Variants in SOX13 observed in about 807,000 individuals in gnomAD.
The protein encoded by SOX13 is transcription factor SOX-13.
In SOX13, 28 loss-of-function variants were observed where a neutral mutation model predicts 71.8. The observed-to-expected ratio is 0.39, with a 90% CI of 0.29 to 0.53. The LOEUF (loss-of-function observed/expected upper bound fraction) is 0.53, where lower values mean the gene tolerates loss of function less well. Among genes scored for constraint, SOX13 ranks in the 20% least tolerant of loss-of-function variants. The pLI, the probability that SOX13 is intolerant of heterozygous loss-of-function variation, is 0.70. For missense variants in SOX13, 627 were observed against 810.3 expected (o/e 0.77, Z 2.75); for synonymous variants, 309 against 317.8 (o/e 0.97, Z 0.29).
intron 7 of SOX13, among the ~76,000 whole-genome samples, chr1:204,120,963 G>T (rs928495184): frequency 2.7e-5 from 4 of 150,296 alleles, no homozygotes; most frequent in Non-Finnish European, 5.9e-5. Flanking sequence ...TATTTTTTTA[G>T]TTTTGAAAAT....
At chr1:204,084,148 C>T (rs914643642) in intron 1 of SOX13, among the ~76,000 whole-genome samples, 1 of 152,114 alleles carries the variant, frequency 6.6e-6, no homozygotes. Flanking sequence ...AGCTCAGGGG[C>T]CTTATTCAGC....
chr1:204,080,692 C>T (rs979257450), intron 1 of SOX13, among the ~76,000 whole-genome samples: 9 of 152,116 alleles, frequency 5.9e-5, no homozygotes, highest in Non-Finnish European at 1.3e-4. Flanking sequence ...GGGCCTGCTC[C>T]CAGGTATGGC....
intron 1 of SOX13, among the ~76,000 whole-genome samples, chr1:204,112,515 A>G (rs1219312520): frequency 9.0e-6 from 1 of 111,614 alleles, no homozygotes; most frequent in Non-Finnish European, 2.0e-5. Context: ...ACACACACAC[A>G]CACACACACA....
Position 204,126,392 on chromosome 1 carries a change from T to C in SOX13, c.*258T>C, listed in dbSNP as rs1056081246. ...TGAGCACCTCAGCCTTTAGGGCTTA[T>C]GGCCAGGGGACACTGTATGACTCTC... On this transcript the variant is annotated 3_prime_UTR_variant, in exon 14 of 14. Coordinates refer to ENST00000367204, the MANE Select transcript of SOX13 (RefSeq NM_005686.3). 6 of 539,414 alleles carry C rather than the reference T, an allele frequency of 1.1e-5. No homozygotes were observed. The highest frequency in any genetic ancestry group is 2.2e-5 in the South Asian group (1 of 46,296). 33.4% of individuals were successfully genotyped at this position (539,414 alleles called of 1,614,324 possible).
intron 4 of SOX13, chr1:204,116,151 A>G (rs1322991524): frequency 8.1e-7 from 1 of 1,235,426 alleles, no homozygotes; most frequent in Non-Finnish European, 1.0e-6. Context: ...AGTGTGTCCC[A>G]CTGGATCCCT....
intron 1 of SOX13, among the ~76,000 whole-genome samples, chr1:204,085,347 TGTAAA>T (rs1210266456): frequency 1.3e-5 from 2 of 152,170 alleles, no homozygotes; most frequent in Non-Finnish European, 2.9e-5. Flanking sequence ...AATGTAAAGA[TGTAAA>T]GTATAGAGAA....
intron 7 of SOX13, among the ~76,000 whole-genome samples, chr1:204,120,289 G>A (rs915781349): frequency 2.6e-5 from 4 of 152,348 alleles, no homozygotes; most frequent in African/African-American, 9.6e-5. Flanking sequence ...CTCCCCATGA[G>A]TGTGGAGGAG....
In SOX13 at chr1:204,073,544, G is replaced by A. The variant is rs985581712; in HGVS notation, c.-169G>A. 1 of 151,578 alleles carries A rather than the reference G, an allele frequency of 6.6e-6. No individual in the cohort carries two copies. The highest frequency in any genetic ancestry group is 6.6e-5 in the Admixed American group (1 of 15,238). 9.4% of individuals were successfully genotyped at this position (151,578 alleles called of 1,614,324 possible). On this transcript the variant is annotated 5_prime_UTR_variant, in exon 1 of 14. Coordinates refer to ENST00000367204, the MANE Select transcript of SOX13 (RefSeq NM_005686.3). The surrounding 1 kb of genome is among the most constrained non-coding windows in gnomAD (Gnocchi z 6.8). ...CCGCAGCGACTCCCCGGCCGACGGC[G>A]GGGGGCGTGCCCCCTCCCAGCCCAG...
chr1:204,077,793 TTTTG>T (rs1247289183), intron 1 of SOX13, among the ~76,000 whole-genome samples: 8 of 152,268 alleles, frequency 5.3e-5, no homozygotes, highest in South Asian at 2.1e-4. Flanking sequence ...CGTGAATTAC[TTTTG>T]TTTGTTTGTT....
intron 7 of SOX13, among the ~76,000 whole-genome samples, chr1:204,120,299 G>A (rs1316365090): frequency 6.6e-6 from 1 of 152,240 alleles, no homozygotes; most frequent in Non-Finnish European, 1.5e-5. Context: ...GTGTGGAGGA[G>A]AGCTGTGGAG....
At position 204,097,719 on chromosome 1, in the gene SOX13, GA is replaced by G. The variant is rs998895413; in HGVS notation, c.-1-15187del. Reference sequence around the variant, plus strand: ...AAAAAAAAAAAAAAAGAAAAGAAAAGAAAAAAAAACTTGCTTATGAATGAAA... The same window carrying G: ...AAAAAAAAAAAAAAAGAAAAGAAAAGAAAAAAAACTTGCTTATGAATGAAA... On this transcript the variant is annotated intron_variant, in intron 1 of 13. Coordinates refer to ENST00000367204, the MANE Select transcript of SOX13 (RefSeq NM_005686.3). 1.6e-4 allele frequency among the ~76,000 whole-genome samples: 23 copies of G among 144,046 alleles called. 1 individual carries two copies. Among genetic ancestry groups the G allele is most frequent in the South Asian group, 1.3e-3 (6 of 4,556 alleles). The allele number at this position is 144,046 out of a possible 152,430, so 94.5% of individuals were successfully genotyped here.
intron 1 of SOX13, among the ~76,000 whole-genome samples, chr1:204,082,536 G>T (rs1218978481): frequency 2.0e-5 from 3 of 152,088 alleles, no homozygotes; most frequent in Non-Finnish European, 2.9e-5. Context: ...TGTCAACTTT[G>T]TTTCCGGGGC....
In SOX13 at chr1:204,121,906, A is replaced by G. The variant is rs1571594474; in HGVS notation, c.782A>G (p.Tyr261Cys). The change falls in exon 8 of 14, where the codon TAT becomes TGT. Residue 261 changes from tyrosine to cysteine, a missense_variant. Physicochemically the swap from Tyr to Cys is radical, Grantham distance 194 (BLOSUM62 -2). Coordinates refer to ENST00000367204, the MANE Select transcript of SOX13 (RefSeq NM_005686.3). ...CTTGCTGCCTTTTCCATAGTGGAGT[A>G]TCCGCTGCAGCTGCTGCACAGCCCC... ...IQPIPCKPVE[Y>C]PLQLLHSPPA... 1.2e-6 allele frequency: 2 copies of G among 1,611,252 alleles called. No individual in the cohort carries two copies. The highest frequency in any genetic ancestry group is 1.3e-5 in the African/African-American group (1 of 74,970).
chr1:204,087,153 A>C (rs1387673848), intron 1 of SOX13, among the ~76,000 whole-genome samples: 1 of 152,078 alleles, frequency 6.6e-6, no homozygotes, highest in African/African-American at 2.4e-5. Flanking sequence ...CGATTTCCTG[A>C]CCTTGTGATC....
At chr1:204,094,765 A>T (rs1656217345) in intron 1 of SOX13, among the ~76,000 whole-genome samples, 1 of 152,218 alleles carries the variant, frequency 6.6e-6, no homozygotes, top group East Asian at 1.9e-4. Flanking sequence ...GTTGTTGGTT[A>T]AGTGGGAACT....
chr1:204,118,704 A>G (rs1200116145), intron 7 of SOX13: 1 of 152,192 alleles, frequency 6.6e-6, no homozygotes, highest in East Asian at 1.9e-4. Flanking sequence ...TGCCTACACC[A>G]TGTCACTCTG....
chr1:204,096,069 A>G (rs1233284256), intron 1 of SOX13, among the ~76,000 whole-genome samples: 1 of 152,118 alleles, frequency 6.6e-6, no homozygotes, highest in South Asian at 2.1e-4. Flanking sequence ...TCATTCATCC[A>G]TTGATGGACA....
Position 204,123,688 on chromosome 1 carries a change from A to G in SOX13, c.1259A>G (p.Asn420Ser). The G allele has an allele frequency of 1.9e-6, 3 of 1,614,052 alleles. No homozygotes were observed. The highest frequency in any genetic ancestry group is 2.5e-6 in the Non-Finnish European group (3 of 1,179,996). Reference protein sequence around the residue: ...DGSRHFPESRNSSHIKRPMNA... With the variant: ...DGSRHFPESRSSSHIKRPMNA... ...TCCCGCCACTTCCCCGAGTCCCGAAACAGCAGCCACATCAAGAGGCCCATG... is the reference window on the plus strand; with the variant it reads ...TCCCGCCACTTCCCCGAGTCCCGAAGCAGCAGCCACATCAAGAGGCCCATG... Residue 420 changes from asparagine to serine, a missense_variant, in exon 12 of 14, where the codon AAC becomes AGC. Physicochemically the swap from Asn to Ser is conservative, Grantham distance 46 (BLOSUM62 1). Around this residue, in one of 3 missense-constraint regions of SOX13, gnomAD observed 447 missense variants for 532.2 expected, o/e 0.84. Coordinates refer to ENST00000367204, the MANE Select transcript of SOX13 (RefSeq NM_005686.3). The surrounding 1 kb of genome is among the most constrained non-coding windows in gnomAD (Gnocchi z 5.0).
chr1:204,104,635 C>G (rs1192412805), intron 1 of SOX13, among the ~76,000 whole-genome samples: 2 of 152,178 alleles, frequency 1.3e-5, no homozygotes, highest in Non-Finnish European at 2.9e-5. Context: ...TGGTGATGCC[C>G]CTTGGCACCA....
Sources: gnomAD v4.1 joint callset for allele counts (sites outside exome capture counted in the v4.1 genomes callset) on GRCh38, gnomAD v4.1.1 for gene constraint, gnomAD v4.1.1 regional missense constraint, Gnocchi (gnomAD v3.1) non-coding constraint, MANE v1.5 for transcripts, NCBI Gene and HGNC (gene_info 2026-07-23, HGNC 2026-07-21) for gene names.